The following AUTS2 variants were observed in gnomAD, a reference collection of about 807,000 sequenced individuals.
AUTS2 encodes autism susceptibility gene 2 protein.
In AUTS2, 17 loss-of-function variants were observed where a neutral mutation model predicts 112.4. The ratio of observed to expected loss-of-function variants is 0.15; its 90% confidence interval spans 0.10 to 0.23. The LOEUF (loss-of-function observed/expected upper bound fraction) is 0.23. Ranked by LOEUF, AUTS2 falls within the 10% of genes least tolerant of loss-of-function variation. The probability of loss-of-function intolerance (pLI) is 1.00; values close to 1 mark genes in which losing one functional copy is unlikely to be tolerated. For synonymous variants in AUTS2, 751 were observed against 702.7 expected (o/e 1.07, Z -1.09); for missense variants, 1,510 against 1,701.6 (o/e 0.89, Z 1.98).
rs117178208 is a variant in AUTS2, at chr7:69,801,750, G to C, written c.310-97536G>C. On this transcript the variant is annotated intron_variant, in intron 1 of 18. Transcript: ENST00000342771. ...TTCTAGGTGCTCAAGACACAACAGT[G>C]AACAAAACAGACAACAATCTCTCTG... 3.4e-3 allele frequency among the ~76,000 whole-genome samples: 519 copies of C among 152,186 alleles called. 2 individuals carry two copies. Among genetic ancestry groups the C allele is most frequent in the Non-Finnish European group, 5.8e-3 (395 of 68,026 alleles).
intron 4 of AUTS2, among the ~76,000 whole-genome samples, chr7:70,244,209 C>T (rs1036700381): frequency 6.6e-6 from 1 of 152,218 alleles, no homozygotes; most frequent in Non-Finnish European, 1.5e-5. Context: ...TTTCCTCACA[C>T]ACTAGTGATC....
At chr7:69,642,472 T>C (rs1794838817) in intron 1 of AUTS2, among the ~76,000 whole-genome samples, 1 of 152,222 alleles carries the variant, frequency 6.6e-6, no homozygotes. Flanking sequence ...TGTACTTTGA[T>C]ATATACTTTT....
chr7:69,987,139 A>G (rs899109136), intron 2 of AUTS2, among the ~76,000 whole-genome samples: 2 of 152,228 alleles, frequency 1.3e-5, no homozygotes, highest in African/African-American at 4.8e-5. Context: ...CTGGATTAAG[A>G]CATTTCACAG....
At chr7:70,605,331 G>C (rs1803674613) in intron 5 of AUTS2, among the ~76,000 whole-genome samples, 1 of 152,086 alleles carries the variant, frequency 6.6e-6, no homozygotes, top group South Asian at 2.1e-4. Flanking sequence ...TTGAAATAAT[G>C]GTCTGAAAAC....
chr7:70,148,724 CAT>C (rs1447768014), intron 4 of AUTS2, among the ~76,000 whole-genome samples: 5 of 151,662 alleles, frequency 3.3e-5, no homozygotes, highest in Non-Finnish European at 7.4e-5. Flanking sequence ...TTCAAGGAAA[CAT>C]AAAAGTAAAA....
At position 69,847,473 on chromosome 7, in the gene AUTS2, G is replaced by A. The variant is rs114093466; in HGVS notation, c.310-51813G>A. 2.9e-3 allele frequency among the ~76,000 whole-genome samples: 444 copies of A among 152,190 alleles called. 5 individuals are homozygous for A. Among genetic ancestry groups the A allele is most frequent in the African/African-American group, 0.01 (427 of 41,534 alleles). On this transcript the variant is annotated intron_variant, in intron 1 of 18. Transcript: ENST00000342771. ...CAGAGTGTAACATCTACTTTGCTCC[G>A]CCATAGCCTTTAAAACAGGATTCAT...
At chr7:69,744,829 C>A (rs999873575) in intron 1 of AUTS2, among the ~76,000 whole-genome samples, 1 of 152,110 alleles carries the variant, frequency 6.6e-6, no homozygotes, top group African/African-American at 2.4e-5. Context: ...GACCTTATCT[C>A]TAAAAAATAA....
At chr7:69,624,946 C>T (rs1793875306) in intron 1 of AUTS2, among the ~76,000 whole-genome samples, 1 of 132,716 alleles carries the variant, frequency 7.5e-6, no homozygotes, top group Admixed American at 7.7e-5. Context: ...CCCCCACCCC[C>T]TTTCTTGTCA....
chr7:69,903,792 AG>A (rs1795055940), intron 2 of AUTS2, among the ~76,000 whole-genome samples: 1 of 152,216 alleles, frequency 6.6e-6, no homozygotes, highest in African/African-American at 2.4e-5. Flanking sequence ...TGAATATTTC[AG>A]GAGCCTGTTA....
At chr7:69,974,634 A>T (rs536123097) in intron 2 of AUTS2, among the ~76,000 whole-genome samples, 5 of 151,982 alleles carry the variant, frequency 3.3e-5, no homozygotes, top group Non-Finnish European at 7.4e-5. Flanking sequence ...CAGAGAGTAA[A>T]TTTCTCCTTC....
intron 2 of AUTS2, among the ~76,000 whole-genome samples, chr7:70,050,859 G>C (rs1182772193): frequency 6.6e-6 from 1 of 152,140 alleles, no homozygotes; most frequent in Non-Finnish European, 1.5e-5. Flanking sequence ...GCTGGGTGTG[G>C]TGGTGTGCTC....
chr7:69,882,675 C>T (rs371006135), intron 1 of AUTS2, among the ~76,000 whole-genome samples: 2 of 152,124 alleles, frequency 1.3e-5, no homozygotes, highest in East Asian at 1.9e-4. Flanking sequence ...ATAGCTGCTT[C>T]ATAAGTTAGG....
At chr7:70,632,130 G>A (rs145865447) in intron 5 of AUTS2, among the ~76,000 whole-genome samples, 121 of 152,150 alleles carry the variant, frequency 8.0e-4, no homozygotes, top group African/African-American at 1.8e-3. Flanking sequence ...AGTACCCACC[G>A]TGGAGGTTGT....
intron 5 of AUTS2, among the ~76,000 whole-genome samples, chr7:70,499,170 G>T (rs1798677892): frequency 6.6e-6 from 1 of 152,222 alleles, no homozygotes; most frequent in African/African-American, 2.4e-5. Flanking sequence ...ATGCACAACT[G>T]TGGTTCAGTG....
chr7:70,539,523 T>C (rs1800458467), intron 5 of AUTS2, among the ~76,000 whole-genome samples: 1 of 152,198 alleles, frequency 6.6e-6, no homozygotes, highest in Admixed American at 6.5e-5. Context: ...AACTAAATAG[T>C]TTCCAATGAG....
At chr7:69,778,229 T>G (rs181976357) in intron 1 of AUTS2, among the ~76,000 whole-genome samples, 1,651 of 88,864 alleles carry the variant, frequency 0.019, 28 homozygotes, top group Middle Eastern at 0.027. Context: ...CTTATCCCCA[T>G]ATATATATAT....
intron 4 of AUTS2, among the ~76,000 whole-genome samples, chr7:70,180,151 C>G (rs1809219584): frequency 6.6e-6 from 1 of 152,120 alleles, no homozygotes; most frequent in Non-Finnish European, 1.5e-5. Flanking sequence ...AAAATAAATA[C>G]CAGCCTAATA....
chr7:69,961,253 C>G (rs56405888), intron 2 of AUTS2, among the ~76,000 whole-genome samples: 17,036 of 152,056 alleles, frequency 0.11, 1,493 homozygotes, highest in African/African-American at 0.24. Context: ...TGATGGAACA[C>G]TCAATCAGCA....
At chr7:70,558,023 G>A (rs186179958) in intron 5 of AUTS2, among the ~76,000 whole-genome samples, 4 of 152,218 alleles carry the variant, frequency 2.6e-5, no homozygotes, top group Admixed American at 2.6e-4. Flanking sequence ...AGTGGGGATG[G>A]CGTTCCCACC....
Sources: gnomAD v4.1 joint callset for allele counts (sites outside exome capture counted in the v4.1 genomes callset) on GRCh38, gnomAD v4.1.1 for gene constraint, MANE v1.5 for transcripts, NCBI Gene and HGNC (gene_info 2026-07-23, HGNC 2026-07-21) for gene names.